The following QTGAL variants were observed in gnomAD, a reference collection of about 807,000 sequenced individuals.
QTGAL encodes BGnT-like protein 1.
chr17:83,020,140 T>A, the QTGAL span, among the ~76,000 whole-genome samples: 6 of 151,546 alleles, frequency 4.0e-5, no homozygotes, highest in Non-Finnish European at 7.4e-5. Flanking sequence ...TGAACATATA[T>A]CAAAATAAAT....
chr17:82,958,912 G>GAC, the QTGAL span, among the ~76,000 whole-genome samples: 10 of 111,810 alleles, frequency 8.9e-5, no homozygotes, highest in African/African-American at 3.9e-4. Context: ...TGTATACTGT[G>GAC]TGGGGGTGTA....
At chr17:83,039,491 TGTTCTAGACACACTGCTGGGCGCCCGCC>T in the QTGAL span, among the ~76,000 whole-genome samples, 44 of 117,952 alleles carry the variant, frequency 3.7e-4, 1 homozygote, top group African/African-American at 1.3e-3. Flanking sequence ...CGCCCGCCCC[TGTTCTAGACACACTGCTGGGCGCCCGCC>T]GCCCGCCCCT....
chr17:83,007,412 G>C, the QTGAL span, among the ~76,000 whole-genome samples: 1 of 152,176 alleles, frequency 6.6e-6, no homozygotes, highest in Non-Finnish European at 1.5e-5. Context: ...TGTCTATACT[G>C]TCTCACGTTT....
the QTGAL span, among the ~76,000 whole-genome samples, chr17:83,050,417 T>G: frequency 2.6e-5 from 4 of 152,108 alleles, no homozygotes; most frequent in African/African-American, 9.7e-5. Flanking sequence ...CCTAATTTAT[T>G]TACAAATTTA....
the QTGAL span, among the ~76,000 whole-genome samples, chr17:82,969,975 T>C: frequency 3.3e-5 from 5 of 152,032 alleles, no homozygotes; most frequent in South Asian, 1.0e-3. Context: ...TCACCGTGCC[T>C]GGCCAAAAAT....
At chr17:82,957,586 C>G in the QTGAL span, 7 of 1,459,808 alleles carry the variant, frequency 4.8e-6, no homozygotes, top group Non-Finnish European at 6.4e-6. Context: ...GCTCAGCTCA[C>G]GTTGCCAGTG....
the QTGAL span, among the ~76,000 whole-genome samples, chr17:83,004,790 C>T: frequency 2.6e-5 from 4 of 151,626 alleles, no homozygotes; most frequent in East Asian, 1.9e-4. Context: ...TTCCTGAGCT[C>T]GCCTTCCTGC....
At chr17:82,974,477 G>A in the QTGAL span, among the ~76,000 whole-genome samples, 3 of 152,342 alleles carry the variant, frequency 2.0e-5, no homozygotes, top group African/African-American at 4.8e-5. Flanking sequence ...GAGTCAGGGC[G>A]GACTTGGTGC....
chr17:82,946,834 TAATAAAG>T, the QTGAL span: 1 of 1,420,004 alleles, frequency 7.0e-7, no homozygotes, highest in Non-Finnish European at 9.7e-7. Flanking sequence ...AAATGAAACA[TAATAAAG>T]AAACAAACCC....
chr17:82,972,684 G>C, the QTGAL span, among the ~76,000 whole-genome samples: 1 of 127,236 alleles, frequency 7.9e-6, no homozygotes, highest in Non-Finnish European at 1.6e-5. Flanking sequence ...ACCCGGTACT[G>C]ACCACACCAC....
the QTGAL span, among the ~76,000 whole-genome samples, chr17:83,032,170 C>T: frequency 4.3e-4 from 50 of 115,454 alleles, no homozygotes; most frequent in East Asian, 1.3e-3. Flanking sequence ...CGACGCAGAC[C>T]GAACTCGGGA....
chr17:82,942,427 G>C, the QTGAL span: 1 of 1,613,964 alleles, frequency 6.2e-7, no homozygotes, highest in African/African-American at 1.3e-5. Context: ...ACCAGCCTGA[G>C]CTTGTCTTGT....
the QTGAL span, chr17:82,961,157 A>G: frequency 1.9e-6 from 3 of 1,608,258 alleles, no homozygotes; most frequent in Non-Finnish European, 2.5e-6. Context: ...TGCTCGTAGA[A>G]GAACAGCAGG....
chr17:82,971,618 C>CT, the QTGAL span, among the ~76,000 whole-genome samples: 3 of 146,962 alleles, frequency 2.0e-5, no homozygotes, highest in Admixed American at 6.8e-5. Context: ...CCACACCACA[C>CT]CACAGGGGCC....
chr17:82,993,060 G>A, the QTGAL span, among the ~76,000 whole-genome samples: 2 of 152,086 alleles, frequency 1.3e-5, no homozygotes, highest in African/African-American at 4.8e-5. Context: ...AAAGGAAGAG[G>A]AGAATACCAA....
chr17:82,956,508 G>GCAGC, the QTGAL span, among the ~76,000 whole-genome samples: 603 of 152,324 alleles, frequency 4.0e-3, 2 homozygotes, highest in African/African-American at 0.014. This position sits in a 1 kb window ranked among gnomAD's most constrained non-coding sequence, Gnocchi z 5.7. Flanking sequence ...TGCCCCCAGG[G>GCAGC]CAGCGGCCAC....
At chr17:83,015,269 G>A in the QTGAL span, among the ~76,000 whole-genome samples, 8 of 151,962 alleles carry the variant, frequency 5.3e-5, no homozygotes, top group Admixed American at 3.9e-4. This position sits in a 1 kb window ranked among gnomAD's most constrained non-coding sequence, Gnocchi z 4.4. Flanking sequence ...CCACTGTGGA[G>A]GGGACCGTCT....
the QTGAL span, among the ~76,000 whole-genome samples, chr17:83,027,570 A>C: frequency 6.6e-6 from 1 of 151,966 alleles, no homozygotes. Context: ...GGCACGGTGG[A>C]TCATGCCTGT....
the QTGAL span, among the ~76,000 whole-genome samples, chr17:83,046,764 C>T: frequency 6.6e-6 from 1 of 152,196 alleles, no homozygotes; most frequent in Non-Finnish European, 1.5e-5. Flanking sequence ...CAAACAACAA[C>T]TGTACACAAA....
Sources: gnomAD v4.1 joint callset for allele counts (sites outside exome capture counted in the v4.1 genomes callset) on GRCh38, gnomAD v4.1.1 for gene constraint, Gnocchi (gnomAD v3.1) non-coding constraint, MANE v1.5 for transcripts, NCBI Gene and HGNC (gene_info 2026-07-23, HGNC 2026-07-21) for gene names.